CPAMD8: variants seen among roughly 807,000 people sequenced by gnomAD.
CPAMD8 encodes C3 and PZP like alpha-2-macroglobulin domain containing 8.
In CPAMD8, 146 loss-of-function variants were observed where a neutral mutation model predicts 224.7. That is an observed-to-expected ratio of 0.65 (90% CI 0.57 to 0.75). The LOEUF is 0.75. CPAMD8 is among the 30% of genes least tolerant of loss of function. The pLI is 0.00. For missense variants in CPAMD8, 2,301 were observed against 2,537.5 expected (o/e 0.91, Z 2.00); for synonymous variants, 966 against 1,044.6 (o/e 0.92, Z 1.45).
At chr19:16,971,162 T>C (rs1379470812) in intron 17 of CPAMD8, 129 bp from the exon 18 acceptor site, 1 of 794,812 alleles carries the variant, frequency 1.3e-6, no homozygotes, top group African/African-American at 1.8e-5. Context: ...GGGGGCATCA[T>C]TCTTTTTTTG....
intron 3 of CPAMD8, among the ~76,000 whole-genome samples, chr19:17,016,013 G>A (rs778784644): frequency 1.3e-5 from 2 of 152,168 alleles, no homozygotes; most frequent in Admixed American, 1.3e-4. Flanking sequence ...GTGCGATCAC[G>A]TCTCACTGCA....
At chr19:16,982,817 G>T (rs937937731) in intron 13 of CPAMD8, among the ~76,000 whole-genome samples, 1 of 152,100 alleles carries the variant, frequency 6.6e-6, no homozygotes, top group Non-Finnish European at 1.5e-5. Context: ...CCAGCCTCGG[G>T]TGCTATGGTT....
In CPAMD8 at chr19:17,004,133, T is replaced by C. The variant is rs918288676; in HGVS notation, c.673+140A>G. On this transcript the variant is annotated intron_variant, in intron 8 of 41. Transcript: ENST00000443236. ...GTTGGCCAGGCTGGTCTCAAACTCC[T>C]GACCTCAAGTGATCCGCCCACCTGG... 35 of 532,438 alleles carry C rather than the reference T, an allele frequency of 6.6e-5. No homozygotes were observed. In the Admixed American group the frequency reaches 9.0e-4, roughly 14 times the overall value. The allele number at this position is 532,438 out of a possible 1,614,324, so 33.0% of individuals were successfully genotyped here. A position where few individuals can be genotyped will look rare whatever the true frequency, so the allele number is the denominator to read the frequency against.
intron 13 of CPAMD8, among the ~76,000 whole-genome samples, chr19:16,980,897 G>A (rs1412183066): frequency 6.6e-6 from 1 of 152,024 alleles, no homozygotes; most frequent in African/African-American, 2.4e-5. Context: ...ATGCGATGGT[G>A]AGATCTCAGC....
At chr19:16,948,152 C>T (rs1366907738) in intron 20 of CPAMD8, among the ~76,000 whole-genome samples, 1 of 152,204 alleles carries the variant, frequency 6.6e-6, no homozygotes, top group Admixed American at 6.5e-5. Flanking sequence ...CTTTGCTCCA[C>T]ATCCATTTGT....
At chr19:16,981,253 CA>C (rs2055504955) in intron 13 of CPAMD8, among the ~76,000 whole-genome samples, 1 of 152,002 alleles carries the variant, frequency 6.6e-6, no homozygotes, top group Non-Finnish European at 1.5e-5. Flanking sequence ...CCCCGCTACT[CA>C]GGGGGCTGAA....
chr19:16,923,756 G>C (rs144972937), intron 26 of CPAMD8, among the ~76,000 whole-genome samples: 1,664 of 152,254 alleles, frequency 0.011, 31 homozygotes, highest in African/African-American at 0.038. Context: ...TTGAGGCCGG[G>C]AGTTCAAGAC....
Position 16,906,994 on chromosome 19 carries a change from G to T in CPAMD8, c.3985C>A (p.Pro1329Thr). Residue 1329 changes from proline to threonine, a missense_variant, in exon 30 of 42, where the codon CCT becomes ACT. Pro to Thr is a conservative substitution (Grantham distance 38). This residue lies in a region of CPAMD8 where 1,709 missense variants were observed against 1,753.2 expected (regional missense o/e 0.97). Coordinates refer to ENST00000443236, the MANE Select transcript of CPAMD8 (RefSeq NM_015692.5). ...CTACGGAGCTTGCGCAGTGCCTCAGGGGCTGCCGGGCTGCGGAGCAGGGTC... is the reference window on the plus strand; with the variant it reads ...CTACGGAGCTTGCGCAGTGCCTCAGTGGCTGCCGGGCTGCGGAGCAGGGTC... ...ALTLLRSPAA[P>T]EALRKLRSLA... 1 of 1,599,996 alleles carries T rather than the reference G, an allele frequency of 6.3e-7. No homozygotes were observed. The highest frequency in any genetic ancestry group is 1.3e-5 in the African/African-American group (1 of 75,012).
intron 13 of CPAMD8, among the ~76,000 whole-genome samples, chr19:16,987,206 A>ATATATATG (rs1270399487): frequency 7.8e-6 from 1 of 127,902 alleles, no homozygotes; most frequent in African/African-American, 2.9e-5. Flanking sequence ...ATATATATAT[A>ATATATATG]TATGTATATG....
At position 16,938,411 on chromosome 19, in the gene CPAMD8, T is replaced by C. The variant is rs758327787; in HGVS notation, c.2829A>G (p.Ala943=). The C allele has an allele frequency of 2.0e-5, 32 of 1,570,308 alleles. No homozygotes were observed. The highest frequency in any genetic ancestry group is 2.6e-5 in the Non-Finnish European group (30 of 1,161,728). Residue 943 remains alanine (A), a synonymous_variant, in exon 23 of 42, where the codon GCA becomes GCG. Coordinates refer to ENST00000443236, the MANE Select transcript of CPAMD8 (RefSeq NM_015692.5). The part of the protein sequence containing the change: ...EGVPRAYTYS[A]FFCPSERVHI... ...GGGACTCACCACTGGGACAGAAGAA[T>C]GCGCTGTAGGTGTACGCCCGGGGGA...
At chr19:17,011,313 TC>T (rs2056641679) in intron 5 of CPAMD8, 150 bp downstream of exon 5, 4 of 853,684 alleles carry the variant, frequency 4.7e-6, no homozygotes, top group Non-Finnish European at 7.3e-6. Flanking sequence ...CACAAAGAAC[TC>T]CCTGGGGTTC....
rs145798856 is a variant in CPAMD8, at chr19:16,996,396, T to C, written c.1095+715A>G. On this transcript the variant is annotated intron_variant, in intron 11 of 41. Coordinates refer to ENST00000443236, the MANE Select transcript of CPAMD8 (RefSeq NM_015692.5). ...TGGACACCTCAAAATTTACCGTGCA[T>C]AAGACTTGAGTGGTGGGTGGGAGGC... Among the ~76,000 whole-genome samples, 276 of 152,140 alleles carry C rather than the reference T, an allele frequency of 1.8e-3. 7 individuals are homozygous for C. In the East Asian group the frequency reaches 0.049, roughly 27 times the overall value.
At chr19:17,004,906 C>T (rs1358581215) in intron 7 of CPAMD8, among the ~76,000 whole-genome samples, 1 of 152,010 alleles carries the variant, frequency 6.6e-6, no homozygotes, top group African/African-American at 2.4e-5. Context: ...CTGCCAATAT[C>T]GCCCCTAGGG....
intron 3 of CPAMD8, 115 bp downstream of exon 3, chr19:17,020,216 C>T (rs2056919494): frequency 1.3e-6 from 1 of 769,376 alleles, no homozygotes; most frequent in Non-Finnish European, 2.3e-6. Context: ...TCAGGTGATC[C>T]ACCCACCTCG....
rs145230015 is a variant in CPAMD8, at chr19:16,961,126, C to G, written c.2214-3211G>C. Reference sequence around the variant, plus strand: ...CGGAAGATGGGTGATTTCTGCATTTCCAACTGAGGTACCTGGTTCATCTCA... The same window carrying G: ...CGGAAGATGGGTGATTTCTGCATTTGCAACTGAGGTACCTGGTTCATCTCA... On this transcript the variant is annotated intron_variant, in intron 18 of 41. Coordinates refer to ENST00000443236, the MANE Select transcript of CPAMD8 (RefSeq NM_015692.5). Among the ~76,000 whole-genome samples, 1,071 of 152,298 alleles carry G rather than the reference C, an allele frequency of 7.0e-3. 15 individuals are homozygous for G. Among genetic ancestry groups the G allele is most frequent in the African/African-American group, 0.023 (958 of 41,568 alleles).
At chr19:16,940,820 C>G (rs190361891) in intron 22 of CPAMD8, among the ~76,000 whole-genome samples, 7 of 152,312 alleles carry the variant, frequency 4.6e-5, no homozygotes, top group African/African-American at 1.7e-4. Context: ...CAGGGAAGGC[C>G]CCAGAAGCAT....
rs753298491 is a variant in CPAMD8 at position 16,971,029 on chromosome 19, G to A, written c.2075C>T (p.Thr692Met). 8.9e-5 allele frequency: 142 copies of A among 1,599,986 alleles called. No individual in the cohort carries two copies. The highest frequency in any genetic ancestry group is 1.1e-4 in the Non-Finnish European group (128 of 1,173,228). Residue 692 changes from threonine (T) to methionine (M), a missense_variant, in exon 18 of 42, where the codon ACG becomes ATG. Physicochemically the swap from Thr to Met is moderately conservative, Grantham distance 81. Transcript: ENST00000443236. ...TKDSGFAFTE[T>M]GLVVMTDRVS... ...TCGGTCGGTCATCACCACCAGTCCCGTTTCCTAGGCAACAGACAACACCCA... is the reference window on the plus strand; with the variant it reads ...TCGGTCGGTCATCACCACCAGTCCCATTTCCTAGGCAACAGACAACACCCA...
chr19:16,893,403 G>A (rs2051837081), intron 41 of CPAMD8, 64 bp from the exon 42 acceptor site: 1 of 1,161,580 alleles, frequency 8.6e-7, no homozygotes, highest in Non-Finnish European at 1.2e-6. Flanking sequence ...CTCGGGCTGA[G>A]GAAGGAGCCA....
chr19:16,895,981 G>A (rs1435763797), intron 41 of CPAMD8, 195 bp downstream of exon 41: 3 of 715,792 alleles, frequency 4.2e-6, no homozygotes. Context: ...CGTGGGCCAG[G>A]GTGGAGGGAG....
Sources: gnomAD v4.1 joint callset for allele counts (sites outside exome capture counted in the v4.1 genomes callset) on GRCh38, gnomAD v4.1.1 for gene constraint, gnomAD v4.1.1 regional missense constraint, MANE v1.5 for transcripts, NCBI Gene and HGNC (gene_info 2026-07-23, HGNC 2026-07-21) for gene names.